Variants in TET3 observed in about 807,000 individuals in gnomAD.
TET3 encodes the protein tet methylcytosine dioxygenase 3.
TET3 carries 19 observed loss-of-function variants against 141.4 expected under a neutral mutation model. That is an observed-to-expected ratio of 0.13 (90% CI 0.09 to 0.20). TET3 has a LOEUF of 0.20. TET3 is among the 10% of genes least tolerant of loss of function. The pLI is 1.00. For synonymous variants in TET3, 1,043 were observed against 980.9 expected (o/e 1.06, Z -1.18); for missense variants, 1,874 against 2,356.9 (o/e 0.80, Z 4.24).
intron 4 of TET3, among the ~76,000 whole-genome samples, chr2:74,054,067 A>G (rs187865927): frequency 2.6e-5 from 4 of 152,300 alleles, no homozygotes; most frequent in African/African-American, 9.6e-5. Flanking sequence ...GATGAAAGAC[A>G]TGTGGAAAGA....
intron 4 of TET3, among the ~76,000 whole-genome samples, chr2:74,063,260 C>T (rs933460136): frequency 2.6e-5 from 4 of 151,890 alleles, no homozygotes; most frequent in East Asian, 1.9e-4. Flanking sequence ...ATTGTCCCAC[C>T]GTTGGTGAAG....
chr2:74,067,923 C>A (rs1402378385), intron 4 of TET3, among the ~76,000 whole-genome samples: 6 of 152,172 alleles, frequency 3.9e-5, no homozygotes, highest in African/African-American at 1.4e-4. Context: ...ATTCTGTCTT[C>A]TGTCCAGCGT....
intron 2 of TET3, chr2:74,002,693 C>T: frequency 2.3e-6 from 1 of 427,224 alleles, no homozygotes; most frequent in Non-Finnish European, 4.1e-6. Flanking sequence ...GAGGGGAGCG[C>T]AGCCGGCAGC....
chr2:74,060,732 G>A (rs889063547), intron 4 of TET3, among the ~76,000 whole-genome samples: 29 of 152,236 alleles, frequency 1.9e-4, no homozygotes, highest in African/African-American at 6.3e-4. Context: ...GACTCTTAGC[G>A]AGCATGCTGC....
At chr2:74,081,692 A>G (rs1689836954) in intron 6 of TET3, among the ~76,000 whole-genome samples, 1 of 152,246 alleles carries the variant, frequency 6.6e-6, no homozygotes, top group African/African-American at 2.4e-5. Flanking sequence ...CCATCTGTGC[A>G]TGTTGTAGGA....
rs1331097285 is a variant in TET3 at position 74,068,165 on chromosome 2, A to G, written c.2495-5384A>G. The stretch of plus-strand genomic sequence containing the variant: ...GGTCATCTGCCTGGCTGCACACTCC[A>G]TGGCTGTTATTTTTTTTTTAATTTT... On this transcript the variant is annotated intron_variant, in intron 4 of 11. Transcript: ENST00000409262. Among the ~76,000 whole-genome samples the G allele has an allele frequency of 2.0e-5, 3 of 152,012 alleles. No homozygotes were observed. The South Asian group carries it at 6.2e-4, about 32-fold the overall frequency.
At chr2:74,088,448 C>G (rs1260244643) in intron 7 of TET3, among the ~76,000 whole-genome samples, 1 of 151,578 alleles carries the variant, frequency 6.6e-6, no homozygotes, top group African/African-American at 2.4e-5. Context: ...TGAGACCAGC[C>G]TGGCCAATAC....
intron 2 of TET3, chr2:73,998,344 A>C (rs1260306037): frequency 6.6e-6 from 1 of 152,200 alleles, no homozygotes; most frequent in Non-Finnish European, 1.5e-5. Context: ...CCTTTTCACG[A>C]GCATCTCAAA....
chr2:74,015,024 C>T (rs1434535097), intron 3 of TET3, among the ~76,000 whole-genome samples: 2 of 152,238 alleles, frequency 1.3e-5, no homozygotes, highest in Non-Finnish European at 2.9e-5. Context: ...ACAGTCTCCC[C>T]TCTCTGGGTC....
intron 6 of TET3, among the ~76,000 whole-genome samples, chr2:74,084,434 C>G (rs1301297366): frequency 6.6e-6 from 1 of 151,854 alleles, no homozygotes; most frequent in Admixed American, 6.6e-5. Context: ...CAAGACCAGC[C>G]TGGTAAGACC....
chr2:74,089,760 G>A (rs187429294), intron 7 of TET3, 137 bp from the exon 8 acceptor site: 29 of 1,164,108 alleles, frequency 2.5e-5, no homozygotes, highest in African/African-American at 2.4e-4. Flanking sequence ...GGGGTTGGGG[G>A]TGGGGAAGGA....
At chr2:73,994,023 T>C (rs1479818716) in intron 2 of TET3, among the ~76,000 whole-genome samples, 3 of 152,096 alleles carry the variant, frequency 2.0e-5, no homozygotes, top group Non-Finnish European at 4.4e-5. Flanking sequence ...GATGCAGTTA[T>C]TACGTTGCAT....
At chr2:74,010,244 C>T (rs545606869) in intron 3 of TET3, among the ~76,000 whole-genome samples, 3 of 152,318 alleles carry the variant, frequency 2.0e-5, no homozygotes, top group South Asian at 2.1e-4. Context: ...GTGTCCAACC[C>T]GGGAAGCCTG....
rs1222627522 is a variant in TET3 at position 74,092,889 on chromosome 2, CCT to C, written c.3040-6_3040-5del. Reference sequence around the variant, plus strand: ...GGGCTGCTCTGGATGTGTGACTGCCCCTCTCTCTGCAGGAAGAAGTGCTCCGG... The same window carrying C: ...GGGCTGCTCTGGATGTGTGACTGCCCCTCTCTGCAGGAAGAAGTGCTCCGG... On this transcript the variant is annotated splice_polypyrimidine_tract_variant and intron_variant, in intron 8 of 11. Transcript: ENST00000409262. 3.2e-6 allele frequency: 5 copies of C among 1,577,262 alleles called. No individual in the cohort carries two copies. Among genetic ancestry groups the C allele is most frequent in the East Asian group, 2.3e-5 (1 of 42,696 alleles).
intron 3 of TET3, among the ~76,000 whole-genome samples, chr2:74,041,407 A>C (rs1480622360): frequency 6.6e-6 from 1 of 152,112 alleles, no homozygotes; most frequent in Non-Finnish European, 1.5e-5. Context: ...GTGCGGCCCC[A>C]CAGGGAAGCC....
intron 3 of TET3, among the ~76,000 whole-genome samples, chr2:74,041,096 AT>A (rs1314222912): frequency 1.3e-5 from 2 of 152,078 alleles, no homozygotes; most frequent in Non-Finnish European, 2.9e-5. Context: ...TCTTTTCCGC[AT>A]CTCCATTGAT....
chr2:73,984,005 T>C (rs1033045201), upstream of TET3, among the ~76,000 whole-genome samples: 1 of 152,246 alleles, frequency 6.6e-6, no homozygotes, highest in Non-Finnish European at 1.5e-5. The surrounding 1 kb of genome is among the most constrained non-coding windows in gnomAD (Gnocchi z 5.6). Context: ...GAACGGGCAG[T>C]TTGGCAACTT....
chr2:74,040,021 A>G (rs1217391405), intron 3 of TET3, among the ~76,000 whole-genome samples: 1 of 152,226 alleles, frequency 6.6e-6, no homozygotes, highest in Non-Finnish European at 1.5e-5. Flanking sequence ...TCACACAGTA[A>G]GAAGAGCATG....
rs115820927 is a variant in TET3 at position 74,038,423 on chromosome 2, G to A, written c.361-7855G>A. 2.6e-3 allele frequency among the ~76,000 whole-genome samples: 389 copies of A among 152,298 alleles called. 4 individuals are homozygous for A. The highest frequency in any genetic ancestry group is 7.7e-3 in the African/African-American group (321 of 41,572). On this transcript the variant is annotated intron_variant, in intron 3 of 11. Coordinates refer to ENST00000409262, the MANE Select transcript of TET3 (RefSeq NM_001287491.2). ...GGGCATACCCCCTTTCAGTGATATT[G>A]TGAAGCAGGGAAGAAACCTGATGGG...
Sources: allele counts gnomAD v4.1 joint callset (sites outside exome capture counted in the v4.1 genomes callset), GRCh38; gene constraint gnomAD v4.1.1; non-coding constraint Gnocchi (gnomAD v3.1); transcripts MANE v1.5; gene names NCBI Gene and HGNC (gene_info 2026-07-23, HGNC 2026-07-21).